Variants in STXBP4 observed in about 807,000 individuals in gnomAD.
The protein encoded by STXBP4 is syntaxin binding protein 4.
Under a neutral mutation model 76.1 loss-of-function variants are expected in STXBP4, and 55 were observed. The observed-to-expected ratio is 0.72, with a 90% CI of 0.58 to 0.91. The LOEUF (loss-of-function observed/expected upper bound fraction) is 0.91, where lower values mean the gene tolerates loss of function less well. Ranked by LOEUF, STXBP4 falls within the 40% of genes least tolerant of loss-of-function variation. The probability of loss-of-function intolerance (pLI) is 0.00; values close to 1 mark genes in which losing one functional copy is unlikely to be tolerated. For missense variants in STXBP4, 618 were observed against 636.9 expected, an observed-to-expected ratio of 0.97 and a Z score of 0.32; for synonymous variants, 201 against 220.2, an observed-to-expected ratio of 0.91 and a Z score of 0.77.
At chr17:55,072,879 C>T (rs1305587510) in intron 12 of STXBP4, 21 bp from the exon 13 acceptor site, 2 of 1,571,630 alleles carry the variant, frequency 1.3e-6, no homozygotes, top group Non-Finnish European at 1.7e-6. Flanking sequence ...TTTTAAATGA[C>T]ATTAATTTTG....
At chr17:55,145,763 A>G (rs1444836862) in intron 17 of STXBP4, among the ~76,000 whole-genome samples, 2 of 152,146 alleles carry the variant, frequency 1.3e-5, no homozygotes, top group Non-Finnish European at 2.9e-5. Flanking sequence ...CAATGTATAT[A>G]TGCATATATG....
At position 54,999,648 on chromosome 17, in the gene STXBP4, G is replaced by A. The variant is rs772944799; in HGVS notation, c.304G>A (p.Glu102Lys). 2.0e-5 allele frequency: 32 copies of A among 1,613,456 alleles called. No homozygotes were observed. In the South Asian group the frequency reaches 3.2e-4, roughly 16 times the overall value. ...TAGTACTAGGTTAGAATCTGCTTGG[G>A]AGATAGCATTCATAAGACAAAAATC... is the stretch of plus-strand genomic sequence containing the variant. ...GAKLRLESAW[E>K]IAFIRQKSDN... is the part of the protein sequence containing the mutation. The change falls in exon 6 of 18, where the codon GAG (glutamate) becomes AAG (lysine). Residue 102 changes from glutamate to lysine, a missense_variant. By Grantham distance (56) the Glu-to-Lys change is moderately conservative (BLOSUM62 1). Coordinates refer to ENST00000376352, the MANE Select transcript of STXBP4 (RefSeq NM_178509.6).
intron 8 of STXBP4, among the ~76,000 whole-genome samples, chr17:55,009,072 T>TA (rs2078058098): frequency 6.6e-6 from 1 of 152,216 alleles, no homozygotes. Context: ...AATGAAATTA[T>TA]AAGTGTCTTC....
the STXBP4 span, among the ~76,000 whole-genome samples, chr17:55,202,592 A>G: frequency 6.6e-6 from 1 of 152,158 alleles, no homozygotes; most frequent in African/African-American, 2.4e-5. Context: ...AAAACTGGCC[A>G]GGAATTCGGA....
In STXBP4 at chr17:55,166,903, G is replaced by C. The variant is rs949229153; in HGVS notation, c.*6992G>C. Reference sequence around the variant, plus strand: ...ATGTGGTAATGAAAACCGGAACTCTGGTTAAAGCTAAGTGGTCTCTCTCAC... The same window carrying C: ...ATGTGGTAATGAAAACCGGAACTCTCGTTAAAGCTAAGTGGTCTCTCTCAC... On this transcript the variant is annotated 3_prime_UTR_variant, in exon 18 of 18. Coordinates refer to ENST00000376352, the MANE Select transcript of STXBP4 (RefSeq NM_178509.6). 6 of 152,200 alleles carry C rather than the reference G, an allele frequency of 3.9e-5. No homozygotes were observed. Among genetic ancestry groups the C allele is most frequent in the African/African-American group, 1.4e-4 (6 of 41,430 alleles). The allele number at this position is 152,200 out of a possible 1,614,324, so 9.4% of individuals were successfully genotyped here. A position where few individuals can be genotyped will look rare whatever the true frequency, so the allele number is the denominator to read the frequency against.
intron 10 of STXBP4, among the ~76,000 whole-genome samples, chr17:55,040,267 A>G (rs905595148): frequency 6.6e-6 from 1 of 152,178 alleles, no homozygotes; most frequent in Non-Finnish European, 1.5e-5. Flanking sequence ...GAAAGTAATC[A>G]TTTTAGAAAT....
intron 16 of STXBP4, among the ~76,000 whole-genome samples, chr17:55,114,415 G>T (rs244359): frequency 0.85 from 129,465 of 152,018 alleles, 55,708 homozygotes; most frequent in African/African-American, 0.96. Flanking sequence ...CATGTGATTG[G>T]CTGTATCACA....
intron 1 of STXBP4, among the ~76,000 whole-genome samples, chr17:54,974,088 T>C (rs917630954): frequency 1.3e-5 from 2 of 152,206 alleles, no homozygotes; most frequent in African/African-American, 2.4e-5. Context: ...GTTAAGGAAA[T>C]TGGGACTTCA....
At chr17:55,064,596 C>T (rs1013019450) in intron 12 of STXBP4, among the ~76,000 whole-genome samples, 3 of 152,206 alleles carry the variant, frequency 2.0e-5, no homozygotes, top group African/African-American at 4.8e-5. Flanking sequence ...CGGGTTCAAG[C>T]GATTCTACTG....
At chr17:54,985,591 A>G (rs1437662601) in intron 1 of STXBP4, 23 bp from the exon 2 acceptor site, 1 of 152,280 alleles carries the variant, frequency 6.6e-6, no homozygotes, top group Non-Finnish European at 1.5e-5. Flanking sequence ...AGACATTAAA[A>G]GCATATTTTT....
chr17:55,178,963 A>G, the STXBP4 span, among the ~76,000 whole-genome samples: 1 of 152,186 alleles, frequency 6.6e-6, no homozygotes, highest in African/African-American at 2.4e-5. Context: ...GAAATGTTTA[A>G]TAGGATATCT....
chr17:55,008,755 G>A (rs1170728725), intron 8 of STXBP4, among the ~76,000 whole-genome samples: 1 of 152,058 alleles, frequency 6.6e-6, no homozygotes, highest in Non-Finnish European at 1.5e-5. Context: ...GGTATAGGGA[G>A]GTCCTCTCTG....
intron 10 of STXBP4, among the ~76,000 whole-genome samples, chr17:55,041,415 A>G (rs1171410122): frequency 2.0e-5 from 3 of 151,894 alleles, no homozygotes; most frequent in Non-Finnish European, 4.4e-5. Context: ...ACATGGTCTC[A>G]TTATGTTGCC....
intron 16 of STXBP4, among the ~76,000 whole-genome samples, chr17:55,105,622 A>T (rs1249968314): frequency 6.7e-6 from 1 of 150,138 alleles, no homozygotes; most frequent in African/African-American, 2.5e-5. Context: ...GGCACCCGCC[A>T]CCACACCCAG....
chr17:55,095,828 A>G (rs939705791), intron 16 of STXBP4, among the ~76,000 whole-genome samples: 2 of 152,176 alleles, frequency 1.3e-5, no homozygotes, highest in African/African-American at 4.8e-5. Context: ...GGAAAGGACA[A>G]TGTCAGAATC....
intron 4 of STXBP4, among the ~76,000 whole-genome samples, chr17:54,992,382 T>C (rs576483492): frequency 4.7e-5 from 7 of 150,152 alleles, no homozygotes; most frequent in African/African-American, 1.5e-4. Flanking sequence ...GCCACTGCAC[T>C]CCAGCCTGGA....
intron 10 of STXBP4, among the ~76,000 whole-genome samples, chr17:55,042,852 G>A (rs1009729705): frequency 2.6e-5 from 4 of 152,080 alleles, no homozygotes; most frequent in African/African-American, 9.7e-5. Flanking sequence ...ATAATGTACA[G>A]CATTTTGTTA....
rs185617375 is a variant in STXBP4, at chr17:55,009,409, G to A, written c.666+1812G>A. 1.1e-4 allele frequency among the ~76,000 whole-genome samples: 16 copies of A among 152,250 alleles called. No individual in the cohort carries two copies. The East Asian group carries it at 1.5e-3, about 15-fold the overall frequency. ...ATTTAATACCATTCTTCTGGATAAGGAGAAATTTATCCAGCTAACTGCTTT... is the reference window on the plus strand; with the variant it reads ...ATTTAATACCATTCTTCTGGATAAGAAGAAATTTATCCAGCTAACTGCTTT... On this transcript the variant is annotated intron_variant, in intron 8 of 17. Coordinates refer to ENST00000376352, the MANE Select transcript of STXBP4 (RefSeq NM_178509.6).
chr17:55,097,277 C>T (rs1052659709), intron 16 of STXBP4, among the ~76,000 whole-genome samples: 4 of 152,156 alleles, frequency 2.6e-5, no homozygotes, highest in South Asian at 2.1e-4. Flanking sequence ...GTAAATTATT[C>T]AACCTCACTT....
Sources: allele counts gnomAD v4.1 joint callset (sites outside exome capture counted in the v4.1 genomes callset), GRCh38; gene constraint gnomAD v4.1.1; transcripts MANE v1.5; gene names NCBI Gene and HGNC (gene_info 2026-07-23, HGNC 2026-07-21).